The following CTNNA3 variants were observed in gnomAD, a reference collection of about 807,000 sequenced individuals.
CTNNA3 encodes the protein catenin alpha 3.
In CTNNA3, 76 loss-of-function variants were observed where a neutral mutation model predicts 95.7. The observed-to-expected ratio is 0.79, with a 90% confidence interval of 0.66 to 0.96. The LOEUF (loss-of-function observed/expected upper bound fraction) is 0.96. Among genes scored for constraint, CTNNA3 ranks in the 40% least tolerant of loss-of-function variants. The pLI is 0.00. For synonymous variants in CTNNA3, 431 were observed against 374.4 expected, an observed-to-expected ratio of 1.15 and a Z score of -1.74; for missense variants, 1,191 against 1,089.8, an observed-to-expected ratio of 1.09 and a Z score of -1.31.
intron 7 of CTNNA3, among the ~76,000 whole-genome samples, chr10:66,879,197 G>A (rs996545306): frequency 4.6e-5 from 7 of 151,968 alleles, no homozygotes; most frequent in Admixed American, 2.6e-4. Context: ...TCCTAATCAT[G>A]GTATTAAGAC....
intron 7 of CTNNA3, among the ~76,000 whole-genome samples, chr10:66,800,181 A>G (rs1355281444): frequency 1.3e-5 from 2 of 151,424 alleles, no homozygotes; most frequent in African/African-American, 4.8e-5. Flanking sequence ...ATTGAATATA[A>G]ATCATTCTAG....
intron 13 of CTNNA3, among the ~76,000 whole-genome samples, chr10:66,265,227 T>A (rs145285488): frequency 6.6e-6 from 1 of 152,140 alleles, no homozygotes; most frequent in Non-Finnish European, 1.5e-5. Flanking sequence ...AAAAGTACAC[T>A]GAATTTGGAG....
intron 15 of CTNNA3, among the ~76,000 whole-genome samples, chr10:66,022,846 G>A (rs7073988): frequency 5.3e-5 from 8 of 151,880 alleles, no homozygotes; most frequent in African/African-American, 1.9e-4. Context: ...GCCTATAATC[G>A]TTATCCTTGC....
intron 9 of CTNNA3, among the ~76,000 whole-genome samples, chr10:66,755,247 G>A (rs2132743777): frequency 6.6e-6 from 1 of 152,220 alleles, no homozygotes; most frequent in East Asian, 1.9e-4. Flanking sequence ...TTAATGTCCA[G>A]AATAAGAAAA....
chr10:66,210,080 C>T (rs192430984), intron 13 of CTNNA3, among the ~76,000 whole-genome samples: 51 of 152,014 alleles, frequency 3.4e-4, no homozygotes, highest in Non-Finnish European at 5.4e-4. Flanking sequence ...ATCGAACACA[C>T]ATAATACCCA....
intron 9 of CTNNA3, among the ~76,000 whole-genome samples, chr10:66,693,034 C>T (rs1420555015): frequency 2.6e-5 from 4 of 152,100 alleles, no homozygotes; most frequent in African/African-American, 9.7e-5. Flanking sequence ...ACCATCGAGG[C>T]TAGGAAGAAA....
chr10:67,141,996 C>T (rs1860591057), intron 7 of CTNNA3, among the ~76,000 whole-genome samples: 1 of 151,912 alleles, frequency 6.6e-6, no homozygotes, highest in Non-Finnish European at 1.5e-5. Context: ...CAGTGCATTA[C>T]CTACAGCAAT....
At chr10:66,475,679 G>A (rs1174410345) in intron 11 of CTNNA3, among the ~76,000 whole-genome samples, 3 of 152,090 alleles carry the variant, frequency 2.0e-5, no homozygotes, top group African/African-American at 7.2e-5. Context: ...TCTCACGCCA[G>A]TCAGAATGGC....
At chr10:67,203,659 A>C (rs539310969) in intron 6 of CTNNA3, among the ~76,000 whole-genome samples, 1 of 152,170 alleles carries the variant, frequency 6.6e-6, no homozygotes, top group African/African-American at 2.4e-5. Flanking sequence ...GAAATATTAT[A>C]AAAATATCTT....
chr10:66,377,431 A>T (rs1554948851), intron 12 of CTNNA3, among the ~76,000 whole-genome samples: 1 of 152,112 alleles, frequency 6.6e-6, no homozygotes, highest in Non-Finnish European at 1.5e-5. Flanking sequence ...AGAGGTATTA[A>T]TAAACTTGCA....
At chr10:66,095,353 T>C (rs939051311) in intron 14 of CTNNA3, among the ~76,000 whole-genome samples, 1 of 152,092 alleles carries the variant, frequency 6.6e-6, no homozygotes, top group African/African-American at 2.4e-5. Context: ...ATTGAAATGA[T>C]AGTAACCAAT....
At chr10:67,390,672 A>C (rs1457946953) in intron 5 of CTNNA3, among the ~76,000 whole-genome samples, 6 of 149,724 alleles carry the variant, frequency 4.0e-5, no homozygotes, top group Admixed American at 3.3e-4. Context: ...TACTGGCAAA[A>C]CGAATCCAGC....
chr10:66,761,530 T>C (rs1278671138), intron 9 of CTNNA3, among the ~76,000 whole-genome samples: 1 of 152,138 alleles, frequency 6.6e-6, no homozygotes, highest in East Asian at 1.9e-4. Flanking sequence ...TTGGTAGTGA[T>C]TGTAGTGCTC....
chr10:66,929,353 G>A (rs985181503), intron 7 of CTNNA3, among the ~76,000 whole-genome samples: 3 of 152,212 alleles, frequency 2.0e-5, no homozygotes, highest in Non-Finnish European at 4.4e-5. Flanking sequence ...ATGTGGTTGA[G>A]AGCTTACCAG....
At chr10:66,090,429 T>C (rs778003904) in intron 14 of CTNNA3, among the ~76,000 whole-genome samples, 13 of 152,050 alleles carry the variant, frequency 8.5e-5, no homozygotes, top group Admixed American at 6.6e-4. Flanking sequence ...ATGACAGATA[T>C]TTTTTATCAC....
Position 67,219,744 on chromosome 10 carries a change from C to T in CTNNA3, c.706G>A (p.Ala236Thr). The stretch of plus-strand genomic sequence containing the variant: ...TCTTCACAAACTGTGTCCTTGCTTG[C>T]TTTGAGGGAAGCAACATCAGAATGC... Reference protein sequence around the residue: ...LEHSDVASLKASKDTVCEEIQ... With the variant: ...LEHSDVASLKTSKDTVCEEIQ... Residue 236 changes from alanine to threonine, a missense_variant, in exon 6 of 18, where the codon GCA becomes ACA. By Grantham distance (58) the Ala-to-Thr change is moderately conservative (BLOSUM62 0). Coordinates refer to ENST00000433211, the MANE Select transcript of CTNNA3 (RefSeq NM_013266.4). 1 of 1,614,034 alleles carries T rather than the reference C, an allele frequency of 6.2e-7. No individual in the cohort carries two copies. Among genetic ancestry groups the T allele is most frequent in the Non-Finnish European group, 8.5e-7 (1 of 1,180,000 alleles).
In CTNNA3 at chr10:67,502,881, C is replaced by G. The variant is rs192560798; in HGVS notation, c.579+18961G>C. Among the ~76,000 whole-genome samples the G allele has an allele frequency of 2.2e-3, 332 of 152,334 alleles. 2 individuals carry two copies. Among genetic ancestry groups the G allele is most frequent in the African/African-American group, 7.6e-3 (317 of 41,578 alleles). ...TGTGCTGGCAGTGAGAATTTCAAGA[C>G]AGTGGATCTTAGCTTGTTGGGCTCT... On this transcript the variant is annotated intron_variant, in intron 5 of 17. Transcript: ENST00000433211.
intron 5 of CTNNA3, among the ~76,000 whole-genome samples, chr10:67,288,252 T>C (rs1418335561): frequency 6.6e-6 from 1 of 152,176 alleles, no homozygotes; most frequent in East Asian, 1.9e-4. Flanking sequence ...AAAGTTAAGC[T>C]TGATGAAAAA....
intron 7 of CTNNA3, among the ~76,000 whole-genome samples, chr10:67,115,305 T>C (rs1037100619): frequency 3.3e-5 from 5 of 151,306 alleles, no homozygotes; most frequent in African/African-American, 1.2e-4. Flanking sequence ...CTGTAGATAT[T>C]ATGTTTTTCA....
Sources: gnomAD v4.1 joint callset for allele counts (sites outside exome capture counted in the v4.1 genomes callset) on GRCh38, gnomAD v4.1.1 for gene constraint, MANE v1.5 for transcripts, NCBI Gene and HGNC (gene_info 2026-07-23, HGNC 2026-07-21) for gene names.